The following ATP8B4 variants were observed in gnomAD, a reference collection of about 807,000 sequenced individuals.
The protein encoded by ATP8B4 is probable phospholipid-transporting ATPase IM.
In ATP8B4, 133 loss-of-function variants were observed where a neutral mutation model predicts 145.6. The observed-to-expected ratio is 0.91, with a 90% CI of 0.79 to 1.05. The LOEUF (loss-of-function observed/expected upper bound fraction) is 1.05, where lower values mean the gene tolerates loss of function less well. Among genes scored for constraint, ATP8B4 ranks in the 50% least tolerant of loss-of-function variants. ATP8B4 has a pLI of 0.00. For synonymous variants in ATP8B4, 507 were observed against 492.9 expected (o/e 1.03, Z -0.38); for missense variants, 1,458 against 1,425.2 (o/e 1.02, Z -0.37).
chr15:49,860,091 T>C lies in ATP8B4; in HGVS notation c.*103A>G. 2 of 1,383,836 alleles carry C rather than the reference T, an allele frequency of 1.4e-6. No homozygotes were observed. The highest frequency in any genetic ancestry group is 2.0e-6 in the Non-Finnish European group (2 of 1,019,854). 85.7% of individuals were successfully genotyped at this position (1,383,836 alleles called of 1,614,324 possible). ...CAGATTTAAGTTAAGTGAGGCAATCTGCCTGCCCCACCTCTTGCCTCAAAT... is the reference window on the plus strand; with the variant it reads ...CAGATTTAAGTTAAGTGAGGCAATCCGCCTGCCCCACCTCTTGCCTCAAAT... On this transcript the variant is annotated 3_prime_UTR_variant, in exon 28 of 28. Coordinates refer to ENST00000284509, the MANE Select transcript of ATP8B4 (RefSeq NM_024837.4).
intron 3 of ATP8B4, among the ~76,000 whole-genome samples, chr15:50,064,546 T>G (rs2153626998): frequency 6.6e-6 from 1 of 152,322 alleles, no homozygotes; most frequent in Admixed American, 6.5e-5. Context: ...ACAGATTTAT[T>G]GACAAATATA....
At chr15:50,028,692 G>C (rs1335552522) in intron 6 of ATP8B4, among the ~76,000 whole-genome samples, 1 of 152,100 alleles carries the variant, frequency 6.6e-6, no homozygotes, top group Non-Finnish European at 1.5e-5. Flanking sequence ...TGTATCCTCA[G>C]CATATAGTAG....
chr15:49,989,741 G>A (rs1445524018), intron 9 of ATP8B4, among the ~76,000 whole-genome samples: 1 of 151,988 alleles, frequency 6.6e-6, no homozygotes, highest in African/African-American at 2.4e-5. Context: ...AAAATGGTGG[G>A]AACAAAGCCA....
Position 49,879,456 on chromosome 15 carries a change from C to T in ATP8B4, c.2701G>A (p.Val901Ile). The change falls in exon 24 of 28, where the codon GTT becomes ATT. Residue 901 changes from valine to isoleucine, a missense_variant. By Grantham distance (29) the Val-to-Ile change is conservative. Transcript: ENST00000284509. ...AGGGTGATGAACCACTGGTCATAAA[C>T]AGTCTGAAAAGAAATATAACATATA... ...GFFCGFSAQTVYDQWFITLFN... is the reference protein window; with the variant it reads ...GFFCGFSAQTIYDQWFITLFN... 2 of 1,602,638 alleles carry T rather than the reference C, an allele frequency of 1.2e-6. No homozygotes were observed. Among genetic ancestry groups the T allele is most frequent in the Non-Finnish European group, 1.7e-6 (2 of 1,171,472 alleles).
chr15:49,868,846 CTA>C (rs2033228250), intron 25 of ATP8B4, among the ~76,000 whole-genome samples: 1 of 152,194 alleles, frequency 6.6e-6, no homozygotes, highest in African/African-American at 2.4e-5. Flanking sequence ...ATTTAAATAA[CTA>C]TGAAAATAAA....
chr15:49,920,393 GCCTTCCC>G lies in ATP8B4; in HGVS notation c.1769_1775del (p.Gly590AlafsTer38), dbSNP rs1460726144. 1 of 1,613,166 alleles carries G rather than the reference GCCTTCCC, an allele frequency of 6.2e-7. No homozygotes were observed. The highest frequency in any genetic ancestry group is 8.5e-7 in the Non-Finnish European group (1 of 1,179,652). ...TGTATGCGATGGCCAAGGTCCGAAGGCCTTCCCCTGCAAATTCCTGCCAGAGATGACA... is the reference window on the plus strand; with the variant it reads ...TGTATGCGATGGCCAAGGTCCGAAGGCTGCAAATTCCTGCCAGAGATGACA... On this transcript the variant is annotated frameshift_variant, in exon 18 of 28. Coordinates refer to ENST00000284509, the MANE Select transcript of ATP8B4 (RefSeq NM_024837.4). LOFTEE classifies it high-confidence loss of function.
intron 2 of ATP8B4, among the ~76,000 whole-genome samples, chr15:50,090,643 T>G (rs894572737): frequency 3.9e-5 from 6 of 152,242 alleles, no homozygotes; most frequent in African/African-American, 1.4e-4. Flanking sequence ...CATTTCTGTT[T>G]CGTTTTTAAA....
Position 49,979,500 on chromosome 15 carries a change from G to C in ATP8B4, c.1034+117C>G, listed in dbSNP as rs2045971920. The C allele has an allele frequency of 7.7e-6, 6 of 779,434 alleles. No homozygotes were observed. In the East Asian group the frequency reaches 1.7e-4, roughly 22 times the overall value. The allele number at this position is 779,434 out of a possible 1,614,324, so 48.3% of individuals were successfully genotyped here. A position where few individuals can be genotyped will look rare whatever the true frequency, so the allele number is the denominator to read the frequency against. ...TGTCCCATTTGTAACAGATGTTGCAGATCATAAGCAGTTAAGAGCAAGACA... is the reference window on the plus strand; with the variant it reads ...TGTCCCATTTGTAACAGATGTTGCACATCATAAGCAGTTAAGAGCAAGACA... On this transcript the variant is annotated intron_variant, in intron 12 of 27. Transcript: ENST00000284509.
At chr15:50,059,632 A>G (rs1478724023) in intron 3 of ATP8B4, among the ~76,000 whole-genome samples, 1 of 152,204 alleles carries the variant, frequency 6.6e-6, no homozygotes, top group African/African-American at 2.4e-5. Flanking sequence ...TCCCTAGTGC[A>G]TTCCTCATCC....
chr15:50,154,158 G>A (rs1363419021), intron 1 of ATP8B4, among the ~76,000 whole-genome samples: 2 of 152,042 alleles, frequency 1.3e-5, no homozygotes, highest in Non-Finnish European at 2.9e-5. Context: ...TTTCTGCTTT[G>A]TCCTATACTT....
At chr15:50,178,942 C>T (rs1374222600) in intron 1 of ATP8B4, among the ~76,000 whole-genome samples, 3 of 151,902 alleles carry the variant, frequency 2.0e-5, no homozygotes, top group Non-Finnish European at 2.9e-5. Context: ...AACTTGGTTT[C>T]GAAATATAAC....
chr15:49,998,641 C>T lies in ATP8B4; in HGVS notation c.507-1882G>A, dbSNP rs908018251. Among the ~76,000 whole-genome samples the T allele has an allele frequency of 2.6e-5, 4 of 152,082 alleles. No individual in the cohort carries two copies. The South Asian group carries it at 6.2e-4, about 24-fold the overall frequency. On this transcript the variant is annotated intron_variant, in intron 8 of 27. Transcript: ENST00000284509. ...GTTCATTGTAGATTCTGGATATTAGCCCTTTGTCAGATGAGTAGGTTGTGA... is the reference window on the plus strand; with the variant it reads ...GTTCATTGTAGATTCTGGATATTAGTCCTTTGTCAGATGAGTAGGTTGTGA...
At chr15:49,917,215 G>A in intron 19 of ATP8B4, 176 bp from the exon 20 acceptor site, 1 of 547,372 alleles carries the variant, frequency 1.8e-6, no homozygotes, top group South Asian at 3.0e-5. Flanking sequence ...CAAAGACCTG[G>A]GTTTCAGGAT....
In ATP8B4 at chr15:49,931,293, G is replaced by A; in HGVS notation, c.1468C>T (p.Gln490Ter). 1 of 1,611,774 alleles carries A rather than the reference G, an allele frequency of 6.2e-7. No individual in the cohort carries two copies. Residue 490 changes from glutamine to a stop codon, truncating the protein, a stop_gained, in exon 16 of 28, where the codon CAA (glutamine) becomes TAA (stop). Transcript: ENST00000284509. LOFTEE classifies it high-confidence loss of function. ...GCCCCTTCATCAGGTGACTGAACTT[G>A]GTAAATCAGCTCTCCTAAAAGGTAA... ...EENSAGELIY[Q>*]VQSPDEGALV...
intron 14 of ATP8B4, among the ~76,000 whole-genome samples, chr15:49,953,707 A>G (rs1215302674): frequency 1.3e-5 from 2 of 152,214 alleles, no homozygotes; most frequent in African/African-American, 2.4e-5. Context: ...GACAGCAGGC[A>G]GCAGCAGCCA....
In ATP8B4 at chr15:49,897,503, C is replaced by A; in HGVS notation, c.2486G>T (p.Gly829Val). 1 of 1,553,566 alleles carries A rather than the reference C, an allele frequency of 6.4e-7. No individual in the cohort carries two copies. The highest frequency in any genetic ancestry group is 8.7e-7 in the Non-Finnish European group (1 of 1,149,466). The change falls in exon 23 of 28, where the codon GGT becomes GTT. Residue 829 changes from glycine (G) to valine (V), a missense_variant. Coordinates refer to ENST00000284509, the MANE Select transcript of ATP8B4 (RefSeq NM_024837.4). ...DVSMIKSAHI[G>V]VGISGQEGLQ... ...TCCTTCCTGGCCGCTGATGCCAACA[C>A]CAATGTGAGCACCTACAAAGGAAAG...
chr15:49,971,678 T>C (rs2045148140), intron 13 of ATP8B4, among the ~76,000 whole-genome samples: 1 of 152,208 alleles, frequency 6.6e-6, no homozygotes, highest in Non-Finnish European at 1.5e-5. Flanking sequence ...TTGGTGGGAA[T>C]GTGAATTAGT....
intron 2 of ATP8B4, among the ~76,000 whole-genome samples, chr15:50,104,608 T>C (rs1014474220): frequency 7.9e-5 from 12 of 152,016 alleles, no homozygotes; most frequent in Non-Finnish European, 1.3e-4. Context: ...AAAGGAAATA[T>C]GTTTACACTG....
At chr15:50,030,389 A>C (rs948272862) in intron 6 of ATP8B4, among the ~76,000 whole-genome samples, 4 of 152,186 alleles carry the variant, frequency 2.6e-5, no homozygotes, top group African/African-American at 9.7e-5. Flanking sequence ...TCGCTGCAAT[A>C]GATTTGAGTT....
Sources: gnomAD v4.1 joint callset for allele counts (sites outside exome capture counted in the v4.1 genomes callset) on GRCh38, gnomAD v4.1.1 for gene constraint, MANE v1.5 for transcripts, NCBI Gene and HGNC (gene_info 2026-07-23, HGNC 2026-07-21) for gene names.